NTRK2: variants seen among roughly 807,000 people sequenced by gnomAD.
NTRK2 encodes neurotrophic receptor tyrosine kinase 2.
A neutral mutation model predicts 94.5 loss-of-function variants in NTRK2; 13 were observed. The observed-to-expected ratio is 0.14, with a 90% confidence interval of 0.09 to 0.22. The LOEUF (loss-of-function observed/expected upper bound fraction) is 0.22, where lower values mean the gene tolerates loss of function less well. Ranked by LOEUF, NTRK2 falls within the 10% of genes least tolerant of loss-of-function variation. NTRK2 has a pLI of 1.00. For missense variants in NTRK2, 639 were observed against 1,071.2 expected, an observed-to-expected ratio of 0.60 and a Z score of 5.63; for synonymous variants, 372 against 407.4, an observed-to-expected ratio of 0.91 and a Z score of 1.05.
intron 12 of NTRK2, among the ~76,000 whole-genome samples, chr9:84,767,152 G>A (rs1444389699): frequency 6.6e-6 from 1 of 152,102 alleles, no homozygotes; most frequent in Non-Finnish European, 1.5e-5. Context: ...TAAGGCCTGG[G>A]ATATTATATC....
At chr9:84,923,121 G>A (rs1311540636) in intron 14 of NTRK2, among the ~76,000 whole-genome samples, 2 of 152,178 alleles carry the variant, frequency 1.3e-5, no homozygotes, top group Non-Finnish European at 2.9e-5. Flanking sequence ...TGGAATTGGG[G>A]TAGAGTCTAC....
At chr9:84,707,380 G>A (rs112196468) in intron 4 of NTRK2, among the ~76,000 whole-genome samples, 221 of 152,180 alleles carry the variant, frequency 1.5e-3, no homozygotes, top group African/African-American at 5.1e-3. Context: ...CTATAAAGAC[G>A]TATTGAATTC....
intron 12 of NTRK2, among the ~76,000 whole-genome samples, chr9:84,763,118 A>G (rs567900237): frequency 6.6e-6 from 1 of 152,150 alleles, no homozygotes; most frequent in Non-Finnish European, 1.5e-5. Flanking sequence ...GTCTCTGCGT[A>G]GACATACTAT....
chr9:85,001,718 G>A (rs1830357973), intron 17 of NTRK2, among the ~76,000 whole-genome samples: 1 of 152,264 alleles, frequency 6.6e-6, no homozygotes, highest in Non-Finnish European at 1.5e-5. Flanking sequence ...CAGACTGAGA[G>A]AGGAGAAGGA....
intron 6 of NTRK2, 34 bp downstream of exon 6, chr9:84,710,825 C>T: frequency 6.2e-7 from 1 of 1,609,506 alleles, no homozygotes; most frequent in African/African-American, 1.3e-5. Flanking sequence ...GTTCTAGTTG[C>T]TATTAATTAT....
intron 12 of NTRK2, chr9:84,811,563 A>C: frequency 9.4e-7 from 1 of 1,065,172 alleles, no homozygotes; most frequent in Non-Finnish European, 1.1e-6. Flanking sequence ...TCTACTCTGA[A>C]AAGGCCTGGG....
At chr9:84,973,348 A>G (rs1424356319) in intron 17 of NTRK2, among the ~76,000 whole-genome samples, 3 of 152,178 alleles carry the variant, frequency 2.0e-5, no homozygotes, top group Non-Finnish European at 4.4e-5. Flanking sequence ...CACAGAGAGA[A>G]CATTCACCCA....
rs974835055 is a variant in NTRK2 at position 84,689,586 on chromosome 9, A to G, written c.213-12573A>G. ...GTTGTAAGGCCTTTAAAACATAGAC[A>G]TCTTATCCTTTTTTTAAAAAAAAGA... On this transcript the variant is annotated intron_variant, in intron 2 of 18. Coordinates refer to ENST00000277120, the MANE Select transcript of NTRK2 (RefSeq NM_006180.6). 5.3e-5 allele frequency among the ~76,000 whole-genome samples: 8 copies of G among 152,228 alleles called. No homozygotes were observed. In the East Asian group the frequency reaches 1.5e-3, roughly 29 times the overall value.
chr9:84,718,883 T>G (rs1005860328), intron 6 of NTRK2, among the ~76,000 whole-genome samples: 9 of 152,206 alleles, frequency 5.9e-5, no homozygotes, highest in African/African-American at 2.2e-4. Context: ...GGCCAGCATA[T>G]TAACGCTGTA....
At chr9:84,706,673 G>T (rs974128171) in intron 4 of NTRK2, among the ~76,000 whole-genome samples, 8 of 151,786 alleles carry the variant, frequency 5.3e-5, no homozygotes, top group African/African-American at 1.7e-4. Flanking sequence ...GGGACTACAG[G>T]TGCCCGCCAC....
chr9:84,958,200 C>T (rs1484853082), intron 17 of NTRK2, among the ~76,000 whole-genome samples: 1 of 137,952 alleles, frequency 7.2e-6, no homozygotes, highest in African/African-American at 2.7e-5. Flanking sequence ...TAATCATATA[C>T]AAAAAAAAAA....
At chr9:84,963,147 T>G (rs1825152579) in intron 17 of NTRK2, among the ~76,000 whole-genome samples, 1 of 152,208 alleles carries the variant, frequency 6.6e-6, no homozygotes, top group Admixed American at 6.5e-5. Context: ...GAGCAGATTG[T>G]TTTTTCCTGC....
chr9:84,835,985 T>A (rs1052037373), intron 12 of NTRK2, among the ~76,000 whole-genome samples: 1 of 152,176 alleles, frequency 6.6e-6, no homozygotes, highest in Non-Finnish European at 1.5e-5. Flanking sequence ...GCATGGCTCG[T>A]GTATTGTGCC....
At chr9:84,738,556 G>T (rs1263156136) in intron 9 of NTRK2, among the ~76,000 whole-genome samples, 1 of 152,220 alleles carries the variant, frequency 6.6e-6, no homozygotes, top group Non-Finnish European at 1.5e-5. Flanking sequence ...TTACCTTACT[G>T]TTGGAGTGTA....
At chr9:85,016,085 T>G (rs1262737377) in intron 17 of NTRK2, among the ~76,000 whole-genome samples, 1 of 152,200 alleles carries the variant, frequency 6.6e-6, no homozygotes, top group Admixed American at 6.5e-5. Context: ...AAATTCTTCG[T>G]AAATGTTGAA....
At chr9:84,808,021 A>G (rs529608556) in intron 12 of NTRK2, among the ~76,000 whole-genome samples, 156 of 152,300 alleles carry the variant, frequency 1.0e-3, no homozygotes, top group Admixed American at 1.8e-3. Context: ...ATGTGTTTTT[A>G]TGGCGGCTTC....
At chr9:84,807,692 G>A (rs979833230) in intron 12 of NTRK2, among the ~76,000 whole-genome samples, 3 of 152,130 alleles carry the variant, frequency 2.0e-5, no homozygotes, top group African/African-American at 7.2e-5. Flanking sequence ...CCCCTCACAA[G>A]GAGAAAATAA....
At chr9:84,747,288 C>A (rs2064163977) in intron 11 of NTRK2, among the ~76,000 whole-genome samples, 1 of 152,002 alleles carries the variant, frequency 6.6e-6, no homozygotes, top group Admixed American at 6.6e-5. Flanking sequence ...AGAACAAATA[C>A]CATGGTAAGT....
At chr9:84,953,525 C>T (rs896320582) in intron 16 of NTRK2, among the ~76,000 whole-genome samples, 27 of 152,236 alleles carry the variant, frequency 1.8e-4, no homozygotes, top group African/African-American at 6.3e-4. Flanking sequence ...GCTTTGGCCA[C>T]TGTGCCGCTT....
Sources: gnomAD v4.1 joint callset for allele counts (sites outside exome capture counted in the v4.1 genomes callset) on GRCh38, gnomAD v4.1.1 for gene constraint, MANE v1.5 for transcripts, NCBI Gene and HGNC (gene_info 2026-07-23, HGNC 2026-07-21) for gene names.